The following COP1 variants were observed in gnomAD, a reference collection of about 807,000 sequenced individuals.
COP1 encodes the protein COP1 E3 ubiquitin ligase, also known as E3 ubiquitin-protein ligase COP1.
A neutral mutation model predicts 101.3 loss-of-function variants in COP1; 24 were observed. That is an observed-to-expected ratio of 0.24 (90% confidence interval 0.17 to 0.33). The LOEUF is 0.33. Ranked by LOEUF, COP1 falls within the 10% of genes least tolerant of loss-of-function variation. COP1 has a pLI of 1.00. For synonymous variants in COP1, 347 were observed against 341.9 expected, an observed-to-expected ratio of 1.01 and a Z score of -0.17; for missense variants, 663 against 906.2, an observed-to-expected ratio of 0.73 and a Z score of 3.45.
At chr1:176,013,792 G>C (rs76674522) in intron 15 of COP1, among the ~76,000 whole-genome samples, 10,576 of 152,176 alleles carry the variant, frequency 0.069, 462 homozygotes, top group Admixed American at 0.087. Context: ...AGTGCTTGCA[G>C]AAAAAATTAA....
At chr1:176,085,561 T>C (rs1210950857) in intron 10 of COP1, among the ~76,000 whole-genome samples, 4 of 152,190 alleles carry the variant, frequency 2.6e-5, no homozygotes, top group Admixed American at 2.6e-4. Context: ...GCTTGCCATA[T>C]AAAGATTCAG....
intron 1 of COP1, among the ~76,000 whole-genome samples, chr1:176,191,332 T>C (rs1699097257): frequency 6.6e-6 from 1 of 152,030 alleles, no homozygotes; most frequent in Non-Finnish European, 1.5e-5. Flanking sequence ...ATCACAGCTA[T>C]CAGCACATAG....
chr1:176,192,849 T>C (rs1699260618), intron 1 of COP1, among the ~76,000 whole-genome samples: 3 of 151,126 alleles, frequency 2.0e-5, no homozygotes, highest in African/African-American at 4.8e-5. Flanking sequence ...ATGTGTTCCT[T>C]GTATCCCTAC....
intron 18 of COP1, among the ~76,000 whole-genome samples, chr1:175,975,722 A>ACCC (rs948154506): frequency 1.3e-5 from 2 of 152,100 alleles, no homozygotes; most frequent in African/African-American, 4.8e-5. Flanking sequence ...CCTTTTCTCT[A>ACCC]TATTCCTAAA....
chr1:176,110,108 G>A (rs1186061480), intron 9 of COP1, among the ~76,000 whole-genome samples: 1 of 151,888 alleles, frequency 6.6e-6, no homozygotes, highest in Non-Finnish European at 1.5e-5. Flanking sequence ...TTTATTTGGG[G>A]CTCTAATTCA....
chr1:176,174,763 C>G (rs1696668598), intron 3 of COP1, among the ~76,000 whole-genome samples: 1 of 152,208 alleles, frequency 6.6e-6, no homozygotes, highest in African/African-American at 2.4e-5. Flanking sequence ...CACCCTAACT[C>G]TGAGCATATT....
At chr1:176,104,027 A>G (rs1428271515) in intron 9 of COP1, among the ~76,000 whole-genome samples, 3 of 152,176 alleles carry the variant, frequency 2.0e-5, no homozygotes, top group Non-Finnish European at 4.4e-5. Context: ...ATCAGACATT[A>G]AAACATATCA....
chr1:176,194,623 C>G (rs1401686255), intron 1 of COP1, among the ~76,000 whole-genome samples: 1 of 150,950 alleles, frequency 6.6e-6, no homozygotes, highest in Non-Finnish European at 1.5e-5. Context: ...GGCGACAGAG[C>G]AAGACTCTGT....
chr1:175,989,475 G>A lies in COP1; in HGVS notation c.1734C>T (p.His578=), dbSNP rs770747539. 1 of 1,522,792 alleles carries A rather than the reference G, an allele frequency of 6.6e-7. No individual in the cohort carries two copies. Among genetic ancestry groups the A allele is most frequent in the South Asian group, 1.1e-5 (1 of 89,052 alleles). 94.3% of individuals were successfully genotyped at this position (1,522,792 alleles called of 1,614,324 possible). A position where few individuals can be genotyped will look rare whatever the true frequency, so the allele number is the denominator to read the frequency against. The stretch of plus-strand genomic sequence containing the variant: ...TACGAAGATCATAGTAGTGGACACA[G>A]TGATCTAAAACAAAACAAAATTAGA... ...RYHLAFGCAD[H]CVHYYDLRNT... The change falls in exon 16 of 20, where the codon CAC becomes CAT. Residue 578 remains histidine (H), a synonymous_variant. Coordinates refer to ENST00000367669, the MANE Select transcript of COP1 (RefSeq NM_022457.7).
At chr1:176,101,641 T>C (rs1302304239) in intron 9 of COP1, among the ~76,000 whole-genome samples, 2 of 152,150 alleles carry the variant, frequency 1.3e-5, no homozygotes, top group Non-Finnish European at 2.9e-5. Context: ...TCTGCCCCCA[T>C]CTCCCTGCAC....
rs1218029672 is a variant in COP1, at chr1:176,137,058, C to G, written c.832-511G>C. On this transcript the variant is annotated intron_variant, in intron 6 of 19. Coordinates refer to ENST00000367669, the MANE Select transcript of COP1 (RefSeq NM_022457.7). ...CCACTGCACCAGAACTTTAATCATA[C>G]TTTATAAACAAAGATTAGTCTGACA... 5.3e-5 allele frequency among the ~76,000 whole-genome samples: 8 copies of G among 152,246 alleles called. No individual in the cohort carries two copies. The East Asian group carries it at 1.5e-3, about 29-fold the overall frequency.
intron 12 of COP1, among the ~76,000 whole-genome samples, chr1:176,045,845 T>C (rs1015913009): frequency 1.3e-5 from 2 of 151,976 alleles, no homozygotes; most frequent in African/African-American, 2.4e-5. Context: ...AAATTCCTGA[T>C]GTTCAAATAC....
chr1:175,968,969 GA>G (rs974488331), intron 18 of COP1, among the ~76,000 whole-genome samples: 1 of 152,074 alleles, frequency 6.6e-6, no homozygotes, highest in African/African-American at 2.4e-5. Context: ...AGTATGAGGG[GA>G]AAAAAATGAC....
intron 18 of COP1, 117 bp downstream of exon 18, chr1:175,986,826 G>T: frequency 2.6e-6 from 2 of 759,546 alleles, no homozygotes; most frequent in Non-Finnish European, 4.1e-6. Context: ...ACATTACAAA[G>T]TTTTTTAAAA....
At chr1:175,958,698 C>T (rs550852718) in intron 18 of COP1, among the ~76,000 whole-genome samples, 103 of 151,890 alleles carry the variant, frequency 6.8e-4, no homozygotes, top group African/African-American at 2.5e-3. Flanking sequence ...AAAAAAGAAA[C>T]TGAAAAGACT....
At chr1:175,976,296 T>TTTA (rs1553284850) in intron 18 of COP1, among the ~76,000 whole-genome samples, 4 of 137,400 alleles carry the variant, frequency 2.9e-5, no homozygotes, top group East Asian at 2.1e-4. Flanking sequence ...TTTTTTTTTT[T>TTTA]AGACAGAGTC....
chr1:176,170,225 T>C (rs952457096), intron 3 of COP1, among the ~76,000 whole-genome samples: 5 of 152,224 alleles, frequency 3.3e-5, no homozygotes, highest in African/African-American at 1.2e-4. Flanking sequence ...CCTTTTAATG[T>C]TGATATTTTG....
At chr1:176,009,572 CA>C (rs1382125931) in intron 15 of COP1, among the ~76,000 whole-genome samples, 2 of 152,096 alleles carry the variant, frequency 1.3e-5, no homozygotes, top group Non-Finnish European at 2.9e-5. Context: ...TATCAAATGA[CA>C]GATGTTTCTA....
At chr1:176,136,213 A>G (rs1258689527) in intron 7 of COP1, among the ~76,000 whole-genome samples, 2 of 152,140 alleles carry the variant, frequency 1.3e-5, no homozygotes, top group Admixed American at 1.3e-4. Flanking sequence ...TTAAGTTATG[A>G]TGGCACTCCA....
Sources: gnomAD v4.1 joint callset for allele counts (sites outside exome capture counted in the v4.1 genomes callset) on GRCh38, gnomAD v4.1.1 for gene constraint, MANE v1.5 for transcripts, NCBI Gene and HGNC (gene_info 2026-07-23, HGNC 2026-07-21) for gene names.